The following CS variants were observed in gnomAD, a reference collection of about 807,000 sequenced individuals.
The protein encoded by CS is citrate synthase, mitochondrial.
CS carries 13 observed loss-of-function variants against 61.4 expected under a neutral mutation model. The observed-to-expected ratio is 0.21, with a 90% CI of 0.14 to 0.34. CS has a LOEUF of 0.34. CS is among the 10% of genes least tolerant of loss of function. The probability of loss-of-function intolerance (pLI) is 1.00; values close to 1 mark genes in which losing one functional copy is unlikely to be tolerated. For missense variants in CS, 278 were observed against 573.4 expected (o/e 0.48, Z 5.26); for synonymous variants, 159 against 215.2 (o/e 0.74, Z 2.29).
intron 1 of CS, among the ~76,000 whole-genome samples, chr12:56,295,244 C>T (rs1375419023): frequency 5.9e-5 from 9 of 151,872 alleles, no homozygotes; most frequent in South Asian, 2.1e-4. Context: ...ATTTCTTGGC[C>T]GGGCACGGTG....
intron 9 of CS, chr12:56,274,538 A>G (rs1240363730): frequency 7.2e-6 from 3 of 419,488 alleles, no homozygotes; most frequent in Non-Finnish European, 8.5e-6. Flanking sequence ...ATCTTAGCAC[A>G]CTGCAGCCTT....
At chr12:56,278,153 C>T (rs556471951) in intron 6 of CS, among the ~76,000 whole-genome samples, 48 of 151,688 alleles carry the variant, frequency 3.2e-4, no homozygotes, top group Non-Finnish European at 6.0e-4. Flanking sequence ...TTTTTTGAGA[C>T]GGAGTCTCAC....
At chr12:56,275,569 T>TAAAAAAAAAAAA (rs769377638) in intron 7 of CS, 1 of 105,046 alleles carries the variant, frequency 9.5e-6, no homozygotes. Flanking sequence ...AGACTCCATC[T>TAAAAAAAAAAAA]AAAAAAAAAA....
chr12:56,288,038 T>C (rs990727864), intron 1 of CS, among the ~76,000 whole-genome samples: 6 of 152,220 alleles, frequency 3.9e-5, no homozygotes, highest in African/African-American at 1.4e-4. Context: ...AATTTTTCTG[T>C]ACTAGATTTT....
At chr12:56,275,716 C>T (rs534673073) in intron 7 of CS, 6 of 474,728 alleles carry the variant, frequency 1.3e-5, no homozygotes, top group East Asian at 7.9e-5. Context: ...CCCCAAAGAG[C>T]GAGCTCCTGG....
At position 56,276,126 on chromosome 12, in the gene CS, G is replaced by C. The variant is rs1872617375; in HGVS notation, c.658C>G (p.Leu220Val). ...CCAATACCGCTGCCTTCTCTGTAGA[G>C]ATTTCGGTAGATCTTTGCTGCAACA... ...PCVAAKIYRN[L>V]YREGSGIGAI... is the part of the protein sequence containing the mutation. The change falls in exon 7 of 11, where the codon CTC becomes GTC. Residue 220 changes from leucine (L) to valine (V), a missense_variant. Leu to Val is a conservative substitution (Grantham distance 32). This residue lies in a region of CS where 223 missense variants were observed against 503.5 expected (regional missense o/e 0.44). Coordinates refer to ENST00000351328, the MANE Select transcript of CS (RefSeq NM_004077.3). 1 of 1,614,144 alleles carries C rather than the reference G, an allele frequency of 6.2e-7. No individual in the cohort carries two copies. Among genetic ancestry groups the C allele is most frequent in the Non-Finnish European group, 8.5e-7 (1 of 1,180,040 alleles).
At chr12:56,283,767 A>T (rs752994897) in intron 4 of CS, 25 bp downstream of exon 4, 1 of 1,568,044 alleles carries the variant, frequency 6.4e-7, no homozygotes, top group Non-Finnish European at 8.8e-7. Context: ...AATGATTATT[A>T]GTAATTGACA....
chr12:56,298,711 T>A, intron 1 of CS: 1 of 982,332 alleles, frequency 1.0e-6, no homozygotes, highest in Middle Eastern at 5.2e-4. Flanking sequence ...CCAAGGTAAA[T>A]CTTACAAATT....
chr12:56,285,385 C>T (rs760464579), intron 3 of CS: 22 of 259,970 alleles, frequency 8.5e-5, no homozygotes, highest in Non-Finnish European at 1.6e-4. Flanking sequence ...TGGGCTCAAG[C>T]AATCCTCCTG....
At chr12:56,285,886 T>G (rs751736019) in intron 3 of CS, 30 bp downstream of exon 3, 1 of 1,569,556 alleles carries the variant, frequency 6.4e-7, no homozygotes, top group East Asian at 2.2e-5. Context: ...ACAGAGCTAC[T>G]TTTCCCAGCC....
In CS at chr12:56,277,918, C is replaced by T. The variant is rs113914178; in HGVS notation, c.589-1723G>A. ...TTCTGGGATTACAGGAGTGAGCCAC[C>T]GCACCCGGCCGAGGCTTCCATTCTT... On this transcript the variant is annotated intron_variant, in intron 6 of 10. Transcript: ENST00000351328. 1.2e-4 allele frequency among the ~76,000 whole-genome samples: 18 copies of T among 151,910 alleles called. 1 individual carries two copies. The highest frequency in any genetic ancestry group is 1.9e-4 in the African/African-American group (8 of 41,454).
chr12:56,285,605 T>C (rs973904179), intron 3 of CS, among the ~76,000 whole-genome samples: 3 of 152,198 alleles, frequency 2.0e-5, no homozygotes, highest in South Asian at 2.1e-4. Context: ...CCTTTTCTTA[T>C]TGTATTTCAC....
In CS at chr12:56,284,898, A is replaced by C. The variant is rs76105063; in HGVS notation, c.201+1018T>G. ...TGGTGACTCAGTGAGACTCCGTCCC[A>C]AAAAAAAAAAAAAAAACAGGGTTTT... On this transcript the variant is annotated intron_variant, in intron 3 of 10. Coordinates refer to ENST00000351328, the MANE Select transcript of CS (RefSeq NM_004077.3). 2.8e-3 allele frequency among the ~76,000 whole-genome samples: 7 copies of C among 2,530 alleles called. No individual in the cohort carries two copies. The Non-Finnish European group carries it at 0.036, about 13-fold the overall frequency. 1.7% of individuals were successfully genotyped at this position (2,530 alleles called of 152,430 possible). A position where few individuals can be genotyped will look rare whatever the true frequency, so the allele number is the denominator to read the frequency against.
At chr12:56,299,170 G>A (rs547478850) in intron 1 of CS, among the ~76,000 whole-genome samples, 2 of 152,224 alleles carry the variant, frequency 1.3e-5, no homozygotes, top group African/African-American at 2.4e-5. Flanking sequence ...GTCACTTGTG[G>A]GACTGTCCCC....
chr12:56,282,794 T>C, intron 5 of CS, 66 bp downstream of exon 5: 1 of 1,604,888 alleles, frequency 6.2e-7, no homozygotes, highest in Non-Finnish European at 8.5e-7. Context: ...GCATTAAGTG[T>C]CTGAGATTAG....
rs766564441 is a variant in CS, at chr12:56,274,821, C to T, written c.976G>A (p.Glu326Lys). ...TTCCAGATGTAGTCTCGTAACTTCT[C>T]ATCTGACACATCTTTGCCAACTTCC... ...QKEVGKDVSD[E>K]KLRDYIWNTL... The change falls in exon 9 of 11, where the codon GAG (glutamate) becomes AAG (lysine). Residue 326 changes from glutamate to lysine, a missense_variant. By Grantham distance (56) the Glu-to-Lys change is moderately conservative. Coordinates refer to ENST00000351328, the MANE Select transcript of CS (RefSeq NM_004077.3). 1.9e-6 allele frequency: 3 copies of T among 1,611,522 alleles called. No homozygotes were observed. In the Admixed American group the frequency reaches 5.0e-5, roughly 27 times the overall value.
At chr12:56,291,437 G>A (rs2135923524) in intron 1 of CS, 1 of 240,644 alleles carries the variant, frequency 4.2e-6, no homozygotes, top group South Asian at 8.1e-5. Flanking sequence ...GCATCTCAGG[G>A]AGAGGAAACA....
chr12:56,276,013 C>T lies in CS; in HGVS notation c.771G>A (p.Leu257=), dbSNP rs1364819624. 2 of 1,614,132 alleles carry T rather than the reference C, an allele frequency of 1.2e-6. No individual in the cohort carries two copies. The highest frequency in any genetic ancestry group is 1.7e-6 in the Non-Finnish European group (2 of 1,180,026). ...TAGCTTACCTGTGGATGGTGAGGTA[C>T]AGGCGCGTGAGCTCAGTGAACTGAT... ...TDHQFTELTR[L]YLTIHSDHEG... The change falls in exon 7 of 11, where the codon CTG becomes CTA. Residue 257 remains leucine, a synonymous_variant. Transcript: ENST00000351328.
At chr12:56,286,253 G>A in intron 2 of CS, 1 of 564,808 alleles carries the variant, frequency 1.8e-6, no homozygotes, top group Non-Finnish European at 3.1e-6. Flanking sequence ...AAGTTCTGGA[G>A]ATGGATGGTT....
Sources: allele counts gnomAD v4.1 joint callset (sites outside exome capture counted in the v4.1 genomes callset), GRCh38; gene constraint gnomAD v4.1.1; regional missense constraint gnomAD v4.1.1; transcripts MANE v1.5; gene names NCBI Gene and HGNC (gene_info 2026-07-23, HGNC 2026-07-21).